The following PCDH15 variants were observed in gnomAD, a reference collection of about 807,000 sequenced individuals.
The protein encoded by PCDH15 is protocadherin-15.
A neutral mutation model predicts 178.5 loss-of-function variants in PCDH15; 129 were observed. The observed-to-expected ratio is 0.72, with a 90% CI of 0.63 to 0.84. The LOEUF (loss-of-function observed/expected upper bound fraction) is 0.84, where lower values mean the gene tolerates loss of function less well. Ranked by LOEUF, PCDH15 falls within the 40% of genes least tolerant of loss-of-function variation. PCDH15 has a pLI of 0.00. For missense variants in PCDH15, 2,230 were observed against 2,099.9 expected (o/e 1.06, Z -1.21); for synonymous variants, 800 against 732.0 (o/e 1.09, Z -1.50).
intron 2 of PCDH15, among the ~76,000 whole-genome samples, chr10:55,058,205 TTTTTA>T (rs1352294019): frequency 2.6e-5 from 4 of 152,170 alleles, no homozygotes; most frequent in Admixed American, 2.6e-4. Flanking sequence ...TGTATTTTAT[TTTTTA>T]TTTTATTTTA....
At chr10:54,741,133 T>C (rs1944748958) in intron 1 of PCDH15, among the ~76,000 whole-genome samples, 1 of 150,020 alleles carries the variant, frequency 6.7e-6, no homozygotes, top group South Asian at 2.1e-4. Flanking sequence ...ACCACATAAA[T>C]ATGTATTATT....
At chr10:54,042,250 C>T (rs1173514932) in intron 18 of PCDH15, among the ~76,000 whole-genome samples, 2 of 152,020 alleles carry the variant, frequency 1.3e-5, no homozygotes, top group African/African-American at 4.8e-5. Context: ...CATTTCATAG[C>T]TAAGGAAACT....
intron 1 of PCDH15, among the ~76,000 whole-genome samples, chr10:54,735,239 G>A (rs562752712): frequency 6.6e-6 from 1 of 152,064 alleles, no homozygotes; most frequent in African/African-American, 2.4e-5. Flanking sequence ...GACCAATTTG[G>A]TTAATTCTAC....
chr10:53,947,027 C>T (rs1481820988), intron 23 of PCDH15, among the ~76,000 whole-genome samples: 5 of 152,116 alleles, frequency 3.3e-5, no homozygotes, highest in African/African-American at 7.2e-5. Flanking sequence ...CCACCCATCT[C>T]GGCCTCTCAA....
chr10:55,201,612 T>A (rs183561437), intron 1 of PCDH15, among the ~76,000 whole-genome samples: 39 of 152,264 alleles, frequency 2.6e-4, no homozygotes, highest in Admixed American at 2.4e-3. Flanking sequence ...ATCAAGGACT[T>A]TTGCTCTGAT....
intron 18 of PCDH15, among the ~76,000 whole-genome samples, chr10:54,025,018 T>A (rs2093040378): frequency 6.6e-6 from 1 of 152,174 alleles, no homozygotes; most frequent in African/African-American, 2.4e-5. Context: ...TCAAAAAAAC[T>A]AATCATTTAT....
chr10:54,937,743 T>A (rs936464624), intron 2 of PCDH15, among the ~76,000 whole-genome samples: 1 of 152,060 alleles, frequency 6.6e-6, no homozygotes, highest in Non-Finnish European at 1.5e-5. Context: ...GAAAATAATT[T>A]AATTAGGAAA....
At chr10:54,173,439 CTT>C (rs1200502650) in intron 13 of PCDH15, among the ~76,000 whole-genome samples, 3 of 152,084 alleles carry the variant, frequency 2.0e-5, no homozygotes, top group African/African-American at 7.2e-5. Context: ...TCTCAAGAGT[CTT>C]TTTGAAGTGA....
At chr10:55,068,327 A>G (rs1041134490) in intron 2 of PCDH15, among the ~76,000 whole-genome samples, 3 of 152,118 alleles carry the variant, frequency 2.0e-5, no homozygotes, top group African/African-American at 4.8e-5. Flanking sequence ...GTAGTTATCC[A>G]GCTTTCCAAG....
chr10:54,896,614 C>T (rs1210553436), intron 3 of PCDH15, among the ~76,000 whole-genome samples: 1 of 151,790 alleles, frequency 6.6e-6, no homozygotes, highest in Non-Finnish European at 1.5e-5. Flanking sequence ...GTTTCTTCTC[C>T]TTAAGTTTTC....
chr10:55,606,560 T>A (rs1234849650), intron 2 of PCDH15, among the ~76,000 whole-genome samples: 1 of 141,930 alleles, frequency 7.0e-6, no homozygotes, highest in East Asian at 2.1e-4. Context: ...TTTAGATCAA[T>A]GGAACAGAAC....
At chr10:54,543,188 C>G (rs370673222) in intron 2 of PCDH15, among the ~76,000 whole-genome samples, 1 of 152,176 alleles carries the variant, frequency 6.6e-6, no homozygotes, top group East Asian at 1.9e-4. Context: ...TACTTCCACT[C>G]AATAAAACTT....
At chr10:55,306,868 A>T (rs1440448811) in intron 1 of PCDH15, among the ~76,000 whole-genome samples, 1 of 152,212 alleles carries the variant, frequency 6.6e-6, no homozygotes, top group Non-Finnish European at 1.5e-5. Context: ...ATGGCAAAAA[A>T]TAACATGGCA....
At chr10:55,342,574 A>T (rs1016166072) in intron 2 of PCDH15, among the ~76,000 whole-genome samples, 10 of 152,118 alleles carry the variant, frequency 6.6e-5, no homozygotes, top group African/African-American at 2.4e-4. Context: ...CCTCCAAAGT[A>T]GTTGGGACTA....
At chr10:54,363,433 C>G (rs1260084069) in intron 5 of PCDH15, among the ~76,000 whole-genome samples, 1 of 152,048 alleles carries the variant, frequency 6.6e-6, no homozygotes, top group African/African-American at 2.4e-5. Flanking sequence ...GGTGAGAAAT[C>G]TGAAGTACAG....
chr10:54,078,342 A>T (rs555121133), intron 17 of PCDH15, among the ~76,000 whole-genome samples: 1 of 152,156 alleles, frequency 6.6e-6, no homozygotes, highest in South Asian at 2.1e-4. Context: ...TATTTTTATT[A>T]TAATAAAATC....
At chr10:55,029,349 A>T (rs117845192) in intron 2 of PCDH15, among the ~76,000 whole-genome samples, 4,761 of 152,034 alleles carry the variant, frequency 0.031, 125 homozygotes, top group East Asian at 0.073. Flanking sequence ...TATATATATA[A>T]ATACAATTGT....
intron 2 of PCDH15, among the ~76,000 whole-genome samples, chr10:54,579,193 C>T (rs1163750369): frequency 2.0e-5 from 3 of 152,132 alleles, no homozygotes; most frequent in African/African-American, 7.2e-5. Context: ...TTAGAAGGCA[C>T]AGACTTGCAA....
chr10:54,506,976 G>A lies in PCDH15; in HGVS notation c.157+20836C>T, dbSNP rs538273874. On this transcript the variant is annotated intron_variant, in intron 3 of 37. Coordinates refer to ENST00000644397, the MANE Select transcript of PCDH15 (RefSeq NM_001384140.1). ...AACTGATTCAAAAAAATAATAATAT[G>A]CAAAGCAATGGTTATTTCCATATAA... Among the ~76,000 whole-genome samples the A allele has an allele frequency of 2.0e-5, 3 of 151,844 alleles. No homozygotes were observed. The East Asian group carries it at 5.8e-4, about 29-fold the overall frequency.
Sources: gnomAD v4.1 joint callset for allele counts (sites outside exome capture counted in the v4.1 genomes callset) on GRCh38, gnomAD v4.1.1 for gene constraint, MANE v1.5 for transcripts, NCBI Gene and HGNC (gene_info 2026-07-23, HGNC 2026-07-21) for gene names.